The following GLT8D1 variants were observed in gnomAD, a reference collection of about 807,000 sequenced individuals.
GLT8D1 encodes glycosyltransferase 8 domain containing 1.
Under a neutral mutation model 46.2 loss-of-function variants are expected in GLT8D1, and 41 were observed. That is an observed-to-expected ratio of 0.89 (90% CI 0.69 to 1.15). GLT8D1 has a LOEUF of 1.15. GLT8D1 is among the 50% of genes most tolerant of loss of function. The pLI is 0.00. For synonymous variants in GLT8D1, 150 were observed against 154.2 expected (o/e 0.97, Z 0.20); for missense variants, 408 against 449.3 (o/e 0.91, Z 0.83).
At chr3:52,701,324 T>G (rs2097339179) in intron 1 of GLT8D1, 1 of 150,514 alleles carries the variant, frequency 6.6e-6, no homozygotes, top group African/African-American at 2.4e-5. Context: ...AAGTGTGGAG[T>G]ACATTTCTAG....
intron 1 of GLT8D1, among the ~76,000 whole-genome samples, chr3:52,702,722 T>A (rs1459030415): frequency 6.6e-6 from 1 of 151,956 alleles, no homozygotes; most frequent in Non-Finnish European, 1.5e-5. Flanking sequence ...AAAAAAAATT[T>A]TTTTTAAAAA....
At chr3:52,697,983 T>C (rs1398635245) in intron 3 of GLT8D1, 49 bp from the exon 4 acceptor site, 2 of 1,138,646 alleles carry the variant, frequency 1.8e-6, no homozygotes, top group East Asian at 4.7e-5. Context: ...GGGCTTTTGA[T>C]ATAGAGTCCA....
intron 4 of GLT8D1, chr3:52,697,424 C>T (rs1275338590): frequency 5.3e-6 from 2 of 380,534 alleles, no homozygotes; most frequent in South Asian, 2.6e-5. Flanking sequence ...TGTAAATCAA[C>T]ATTTACTGCT....
intron 3 of GLT8D1, 37 bp downstream of exon 3, chr3:52,700,225 A>G (rs1171193822): frequency 1.5e-6 from 2 of 1,300,274 alleles, no homozygotes; most frequent in Admixed American, 1.8e-5. Context: ...CAGGTCCGCA[A>G]CAGATTCTAA....
intron 1 of GLT8D1, 103 bp from the exon 2 acceptor site, chr3:52,700,599 G>A (rs1170997813): frequency 8.9e-6 from 5 of 559,536 alleles, no homozygotes; most frequent in Non-Finnish European, 1.6e-5. Flanking sequence ...AGAAACAAGA[G>A]GCATATACAG....
chr3:52,696,613 C>CAATT lies in GLT8D1; in HGVS notation c.372_375dup (p.Val126AsnfsTer5), dbSNP rs1268253404. 1 of 1,611,062 alleles carries CAATT rather than the reference C, an allele frequency of 6.2e-7. No homozygotes were observed. Among genetic ancestry groups the CAATT allele is most frequent in the Non-Finnish European group, 8.5e-7 (1 of 1,177,224 alleles). ...TCCAAAAGTTTAGGGTCAAAATTGA[C>CAATT]AATTTTGTATCTGATGCTTTTCAGG... is the stretch of plus-strand genomic sequence containing the variant. On this transcript the variant is annotated frameshift_variant, in exon 5 of 10. Coordinates refer to ENST00000266014, the MANE Select transcript of GLT8D1 (RefSeq NM_018446.4). LOFTEE classifies it high-confidence loss of function.
chr3:52,694,580 A>C lies in GLT8D1; in HGVS notation c.*265T>G. ...TTGAATTATCTGTACCAGCTAGCTG[A>C]ACTAGCCATATCAGTTCTTCTTTCC... On this transcript the variant is annotated 3_prime_UTR_variant, in exon 10 of 10. Transcript: ENST00000266014. The C allele has an allele frequency of 1.7e-6, 1 of 595,228 alleles. No homozygotes were observed. The highest frequency in any genetic ancestry group is 3.0e-6 in the Non-Finnish European group (1 of 335,670). 36.9% of individuals were successfully genotyped at this position (595,228 alleles called of 1,614,324 possible).
chr3:52,697,985 T>C (rs750978170), intron 3 of GLT8D1, 51 bp from the exon 4 acceptor site: 11 of 1,120,340 alleles, frequency 9.8e-6, no homozygotes, highest in East Asian at 4.7e-5. Flanking sequence ...GCTTTTGATA[T>C]AGAGTCCAAG....
intron 3 of GLT8D1, among the ~76,000 whole-genome samples, 175 bp from the exon 4 acceptor site, chr3:52,698,109 G>A (rs753436000): frequency 6.6e-6 from 1 of 152,202 alleles, no homozygotes; most frequent in East Asian, 1.9e-4. Flanking sequence ...TTTTGGAAAA[G>A]TGGAGGAAGC....
At chr3:52,696,151 C>G (rs932695729) in intron 6 of GLT8D1, 83 bp downstream of exon 6, 3 of 1,173,138 alleles carry the variant, frequency 2.6e-6, no homozygotes, top group East Asian at 2.3e-5. Flanking sequence ...TAAACCACTA[C>G]AGCCCACTGT....
At position 52,695,264 on chromosome 3, in the gene GLT8D1, G is replaced by A. The variant is rs1323043357; in HGVS notation, c.851C>T (p.Thr284Ile). The change falls in exon 9 of 10, where the codon ACA becomes ATA. Residue 284 changes from threonine to isoleucine, a missense_variant. Transcript: ENST00000266014. ...LYSRTLAGSI[T>I]TPPLLIVFYQ... The stretch of plus-strand genomic sequence containing the variant: ...AAATACGATAAGCAGAGGAGGTGTT[G>A]TGATGCTACCAGCCAGGGTTCTGCT... 2.5e-6 allele frequency: 4 copies of A among 1,613,664 alleles called. No individual in the cohort carries two copies. Among genetic ancestry groups the A allele is most frequent in the Non-Finnish European group, 3.4e-6 (4 of 1,179,764 alleles).
At chr3:52,703,351 G>C (rs2097341013) in intron 1 of GLT8D1, 1 of 150,774 alleles carries the variant, frequency 6.6e-6, no homozygotes, top group Non-Finnish European at 1.5e-5. Flanking sequence ...TTGAACCCGG[G>C]AGGCGGAGGT....
chr3:52,704,683 G>C (rs1322697805), intron 1 of GLT8D1: 1 of 152,186 alleles, frequency 6.6e-6, no homozygotes, highest in African/African-American at 2.4e-5. Flanking sequence ...CCACGTGCAA[G>C]GATGAAAGGG....
Position 52,694,755 on chromosome 3 carries a change from T to C in GLT8D1, c.*90A>G, listed in dbSNP as rs751301075. 6.8e-6 allele frequency: 6 copies of C among 881,034 alleles called. 1 individual carries two copies. Among genetic ancestry groups the C allele is most frequent in the Admixed American group, 5.4e-5 (3 of 55,248 alleles). The allele number at this position is 881,034 out of a possible 1,614,324, so 54.6% of individuals were successfully genotyped here. A position where few individuals can be genotyped will look rare whatever the true frequency, so the allele number is the denominator to read the frequency against. On this transcript the variant is annotated 3_prime_UTR_variant, in exon 10 of 10. Coordinates refer to ENST00000266014, the MANE Select transcript of GLT8D1 (RefSeq NM_018446.4). Reference sequence around the variant, plus strand: ...ATCTTTTTCCATGGCTTGCTACCGATAGGCATTGAAGCCTAGCAACTGTTA... The same window carrying C: ...ATCTTTTTCCATGGCTTGCTACCGACAGGCATTGAAGCCTAGCAACTGTTA...
chr3:52,702,970 GT>G (rs898006601), intron 1 of GLT8D1: 1 of 150,620 alleles, frequency 6.6e-6, no homozygotes, highest in Non-Finnish European at 1.5e-5. Flanking sequence ...TAGAGAGAGG[GT>G]TTCACCATGT....
In GLT8D1 at chr3:52,694,504, T is replaced by C. The variant is rs931693107; in HGVS notation, c.*341A>G. Reference sequence around the variant, plus strand: ...GAAGATACCTATTGAAAAATGTAAGTTTTATTTACAGATCAGGCCACAGGT... The same window carrying C: ...GAAGATACCTATTGAAAAATGTAAGCTTTATTTACAGATCAGGCCACAGGT... On this transcript the variant is annotated 3_prime_UTR_variant, in exon 10 of 10. Coordinates refer to ENST00000266014, the MANE Select transcript of GLT8D1 (RefSeq NM_018446.4). The C allele has an allele frequency of 5.2e-6, 3 of 578,226 alleles. No homozygotes were observed. The highest frequency in any genetic ancestry group is 9.1e-6 in the Non-Finnish European group (3 of 327,984). The allele number at this position is 578,226 out of a possible 1,614,324, so 35.8% of individuals were successfully genotyped here.
intron 4 of GLT8D1, 179 bp downstream of exon 4, chr3:52,697,542 A>G: frequency 3.3e-6 from 2 of 600,248 alleles, no homozygotes; most frequent in South Asian, 4.0e-5. Context: ...CACTTCTCCT[A>G]TTATGGGGAT....
At chr3:52,703,110 G>A (rs1347719927) in intron 1 of GLT8D1, 1 of 150,464 alleles carries the variant, frequency 6.6e-6, no homozygotes, top group Non-Finnish European at 1.5e-5. Context: ...TATATATGAA[G>A]TACAACGTGT....
Position 52,700,335 on chromosome 3 carries a change from A to T in GLT8D1, c.42T>A (p.Ala14=). The change falls in exon 3 of 10, where the codon GCT becomes GCA. Residue 14 remains alanine (A), a synonymous_variant. Coordinates refer to ENST00000266014, the MANE Select transcript of GLT8D1 (RefSeq NM_018446.4). ...RKVNIIILVL[A]VALFLLVLHH... ...GCAAAACCAGTAAGAAGAGAGCAAC[A>T]GCCAGGACCAAGATGATGATGTTTA... is the stretch of plus-strand genomic sequence containing the variant. 1 of 1,613,828 alleles carries T rather than the reference A, an allele frequency of 6.2e-7. No individual in the cohort carries two copies. Among genetic ancestry groups the T allele is most frequent in the Non-Finnish European group, 8.5e-7 (1 of 1,179,712 alleles).
Sources: allele counts gnomAD v4.1 joint callset (sites outside exome capture counted in the v4.1 genomes callset), GRCh38; gene constraint gnomAD v4.1.1; transcripts MANE v1.5; gene names NCBI Gene and HGNC (gene_info 2026-07-23, HGNC 2026-07-21).